The following MAP7 variants were observed in gnomAD, a reference collection of about 807,000 sequenced individuals.
MAP7 encodes the protein microtubule associated protein 7.
MAP7 carries 52 observed loss-of-function variants against 94.8 expected under a neutral mutation model. That is an observed-to-expected ratio of 0.55 (90% CI 0.44 to 0.69). The LOEUF (loss-of-function observed/expected upper bound fraction) is 0.69, where lower values mean the gene tolerates loss of function less well. MAP7 is among the 30% of genes least tolerant of loss of function. MAP7 has a pLI of 0.00. For missense variants in MAP7, 940 were observed against 964.6 expected (o/e 0.97, Z 0.34); for synonymous variants, 350 against 357.0 (o/e 0.98, Z 0.22).
intron 3 of MAP7, among the ~76,000 whole-genome samples, chr6:136,410,206 A>C (rs568152102): frequency 6.6e-6 from 1 of 152,324 alleles, no homozygotes; most frequent in African/African-American, 2.4e-5. Flanking sequence ...CTTCTATTCA[A>C]GCAGATATGA....
intron 1 of MAP7, among the ~76,000 whole-genome samples, chr6:136,437,476 C>G (rs1045555576): frequency 1.3e-5 from 2 of 152,124 alleles, no homozygotes; most frequent in Non-Finnish European, 2.9e-5. Context: ...CAGGAGCTCC[C>G]GAAAGTGCCC....
In MAP7 at chr6:136,356,714, G is replaced by T; in HGVS notation, c.1993C>A (p.Gln665Lys). 6.2e-7 allele frequency: 1 copy of T among 1,614,116 alleles called. No homozygotes were observed. The highest frequency in any genetic ancestry group is 8.5e-7 in the Non-Finnish European group (1 of 1,180,004). ...CACCTCTCCACTGTCACTTTTGACT[G>T]GTGTGAGGTAACCACATGTGGGCTG... ...VGSPHVVTSH[Q>K]SKVTVESTPD... The change falls in exon 16 of 18, where the codon CAG becomes AAG. Residue 665 changes from glutamine to lysine, a missense_variant. Gln to Lys is a moderately conservative substitution (Grantham distance 53). Coordinates refer to ENST00000354570, the MANE Select transcript of MAP7 (RefSeq NM_003980.6).
At chr6:136,538,016 G>A (rs536859022) in intron 1 of MAP7, among the ~76,000 whole-genome samples, 4 of 152,204 alleles carry the variant, frequency 2.6e-5, no homozygotes, top group East Asian at 1.9e-4. Flanking sequence ...TCCCGACCTC[G>A]GGTGATCAGC....
In MAP7 at chr6:136,383,793, G is replaced by A; in HGVS notation, c.527-12C>T. 1 of 1,512,630 alleles carries A rather than the reference G, an allele frequency of 6.6e-7. No homozygotes were observed. The highest frequency in any genetic ancestry group is 9.2e-7 in the Non-Finnish European group (1 of 1,089,654). 93.7% of individuals were successfully genotyped at this position (1,512,630 alleles called of 1,614,324 possible). ...CCGCCTGTCTGGATCTAAAACAAAT[G>A]GAGATAATGCTAATTGACAGCCAAC... On this transcript the variant is annotated splice_polypyrimidine_tract_variant and intron_variant, in intron 5 of 17. Transcript: ENST00000354570.
chr6:136,540,567 C>T (rs1443879573), intron 1 of MAP7, among the ~76,000 whole-genome samples: 2 of 152,118 alleles, frequency 1.3e-5, no homozygotes, highest in Non-Finnish European at 2.9e-5. Flanking sequence ...TCTATATTTC[C>T]TTCAAAAAAG....
chr6:136,367,526 C>T (rs998224728), intron 8 of MAP7, among the ~76,000 whole-genome samples: 1 of 152,156 alleles, frequency 6.6e-6, no homozygotes, highest in Non-Finnish European at 1.5e-5. Context: ...TGCTTCCCTC[C>T]ATTTTCCTTA....
chr6:136,481,909 A>AT (rs891067756), intron 1 of MAP7, among the ~76,000 whole-genome samples: 25 of 152,276 alleles, frequency 1.6e-4, no homozygotes, highest in African/African-American at 5.8e-4. Context: ...TCCACAACAA[A>AT]TTTTTTTAAA....
intron 1 of MAP7, among the ~76,000 whole-genome samples, chr6:136,536,740 G>A (rs1273698797): frequency 3.3e-5 from 5 of 152,188 alleles, no homozygotes; most frequent in East Asian, 1.9e-4. Context: ...GAAAAAGACC[G>A]TGTTTACTAC....
At chr6:136,515,521 G>A (rs1824543118) in intron 1 of MAP7, among the ~76,000 whole-genome samples, 1 of 152,182 alleles carries the variant, frequency 6.6e-6, no homozygotes, top group African/African-American at 2.4e-5. Flanking sequence ...AAAGTGAGAG[G>A]CATGTAATTC....
chr6:136,343,723 A>G lies in MAP7; in HGVS notation c.*505T>C, dbSNP rs1786985841. On this transcript the variant is annotated 3_prime_UTR_variant, in exon 18 of 18. Coordinates refer to ENST00000354570, the MANE Select transcript of MAP7 (RefSeq NM_003980.6). ...TTTATAAGAACCTGGTAATCTGCCT[A>G]TAATTTGCTTCTACAAATAGAGCTC... is the stretch of plus-strand genomic sequence containing the variant. 1 of 152,238 alleles carries G rather than the reference A, an allele frequency of 6.6e-6. No homozygotes were observed. Among genetic ancestry groups the G allele is most frequent in the South Asian group, 2.1e-4 (1 of 4,836 alleles). The allele number at this position is 152,238 out of a possible 1,614,324, so 9.4% of individuals were successfully genotyped here. A position where few individuals can be genotyped will look rare whatever the true frequency, so the allele number is the denominator to read the frequency against.
At chr6:136,379,247 A>C (rs1231889874) in intron 6 of MAP7, among the ~76,000 whole-genome samples, 1 of 152,230 alleles carries the variant, frequency 6.6e-6, no homozygotes, top group Non-Finnish European at 1.5e-5. Context: ...TTCCATTTGG[A>C]ATGAAGTATC....
intron 1 of MAP7, among the ~76,000 whole-genome samples, chr6:136,542,894 T>C (rs1035260164): frequency 6.6e-6 from 1 of 152,208 alleles, no homozygotes; most frequent in African/African-American, 2.4e-5. Context: ...TTGAGGTGAT[T>C]ACATTGCTTT....
intron 1 of MAP7, among the ~76,000 whole-genome samples, chr6:136,464,982 G>A (rs1206995145): frequency 1.3e-5 from 2 of 152,216 alleles, no homozygotes; most frequent in African/African-American, 4.8e-5. Context: ...AGGAGGTCAC[G>A]TGTACCATGC....
chr6:136,363,989 AT>A (rs1793569266), intron 10 of MAP7: 2 of 227,508 alleles, frequency 8.8e-6, no homozygotes, highest in Non-Finnish European at 1.7e-5. Context: ...TGGTTTAAAA[AT>A]ATTTCCAGTT....
intron 2 of MAP7, among the ~76,000 whole-genome samples, chr6:136,413,462 C>T (rs903993142): frequency 2.0e-5 from 3 of 148,290 alleles, no homozygotes; most frequent in Admixed American, 1.4e-4. Flanking sequence ...GTGGAGGTTG[C>T]GTTGAGCCAA....
intron 3 of MAP7, among the ~76,000 whole-genome samples, chr6:136,401,206 T>A (rs901203485): frequency 6.6e-6 from 1 of 152,120 alleles, no homozygotes; most frequent in African/African-American, 2.4e-5. Context: ...AGAAAAATTA[T>A]CTGGACTTGT....
intron 1 of MAP7, chr6:136,466,963 C>A (rs1215510774): frequency 4.7e-6 from 6 of 1,269,224 alleles, no homozygotes; most frequent in South Asian, 2.3e-5. Context: ...GTGAGACATA[C>A]AACTCGACAG....
chr6:136,471,272 C>T (rs1002103775), intron 1 of MAP7, among the ~76,000 whole-genome samples: 4 of 152,178 alleles, frequency 2.6e-5, no homozygotes, highest in Non-Finnish European at 5.9e-5. Context: ...CTTGAACACA[C>T]CTGAATTGTT....
intron 10 of MAP7, 149 bp from the exon 11 acceptor site, chr6:136,362,851 A>G: frequency 1.5e-6 from 2 of 1,315,936 alleles, no homozygotes; most frequent in South Asian, 1.7e-5. Context: ...CGGTTTCACT[A>G]TGTTCTATCT....
Sources: allele counts gnomAD v4.1 joint callset (sites outside exome capture counted in the v4.1 genomes callset), GRCh38; gene constraint gnomAD v4.1.1; transcripts MANE v1.5; gene names NCBI Gene and HGNC (gene_info 2026-07-23, HGNC 2026-07-21).